Variants in CEP112 observed in about 807,000 individuals in gnomAD.
CEP112 encodes the protein centrosomal protein of 112 kDa.
In CEP112, 127 loss-of-function variants were observed where a neutral mutation model predicts 153.0. That is an observed-to-expected ratio of 0.83 (90% confidence interval 0.72 to 0.96). The LOEUF (loss-of-function observed/expected upper bound fraction) is 0.96. CEP112 is among the 40% of genes least tolerant of loss of function. The probability of loss-of-function intolerance (pLI) is 0.00; values close to 1 mark genes in which losing one functional copy is unlikely to be tolerated. For synonymous variants in CEP112, 358 were observed against 374.4 expected (o/e 0.96, Z 0.51); for missense variants, 1,089 against 1,101.2 (o/e 0.99, Z 0.16).
At chr17:65,975,493 T>C (rs569240520) in intron 17 of CEP112, among the ~76,000 whole-genome samples, 2 of 152,328 alleles carry the variant, frequency 1.3e-5, no homozygotes, top group African/African-American at 4.8e-5. Context: ...TGTGTCTATA[T>C]ATTCATTTGT....
chr17:65,891,126 A>C (rs148872714), intron 20 of CEP112, among the ~76,000 whole-genome samples: 2 of 152,268 alleles, frequency 1.3e-5, no homozygotes, highest in East Asian at 3.9e-4. Flanking sequence ...AATGCCACTA[A>C]ATGAATGAAT....
chr17:65,697,310 C>T (rs931578019), intron 23 of CEP112, among the ~76,000 whole-genome samples: 1 of 152,070 alleles, frequency 6.6e-6, no homozygotes. Flanking sequence ...TCATTTAAAC[C>T]TTAATTGCCT....
intron 24 of CEP112, among the ~76,000 whole-genome samples, chr17:65,659,015 C>CAAA (rs777326885): frequency 0.13 from 7,242 of 55,482 alleles, 1,449 homozygotes; most frequent in East Asian, 0.45. Context: ...GACTCTGTCT[C>CAAA]AAAAAAAAAA....
chr17:65,927,715 A>C (rs748036974), intron 18 of CEP112, 26 bp from the exon 19 acceptor site: 73 of 1,397,960 alleles, frequency 5.2e-5, no homozygotes, highest in Non-Finnish European at 6.6e-5. Context: ...ATCAAATATT[A>C]ATTTTTTAAA....
chr17:65,641,878 T>C lies in CEP112; in HGVS notation c.2698-813A>G, dbSNP rs147913162. ...TGTCTCCGACCCTCTTTGACACAAG[T>C]AGACAGGTAGAGTGCACTGGGCATA... On this transcript the variant is annotated intron_variant, in intron 24 of 26. Coordinates refer to ENST00000535342, the MANE Select transcript of CEP112 (RefSeq NM_001199165.4). Among the ~76,000 whole-genome samples, 254 of 152,282 alleles carry C rather than the reference T, an allele frequency of 1.7e-3. 2 individuals carry two copies. The highest frequency in any genetic ancestry group is 0.014 in the Admixed American group (215 of 15,292).
intron 9 of CEP112, among the ~76,000 whole-genome samples, chr17:66,068,293 G>A (rs964614619): frequency 2.0e-5 from 3 of 152,034 alleles, no homozygotes; most frequent in Non-Finnish European, 4.4e-5. Flanking sequence ...CAACAGAAAA[G>A]AACGGGGCAC....
intron 21 of CEP112, among the ~76,000 whole-genome samples, chr17:65,839,803 C>G (rs1433344232): frequency 2.6e-5 from 4 of 151,600 alleles, no homozygotes; most frequent in Non-Finnish European, 5.9e-5. Context: ...ATGTTAGAAC[C>G]AGTAAACAAA....
intron 21 of CEP112, among the ~76,000 whole-genome samples, chr17:65,776,304 G>A (rs982178320): frequency 1.3e-5 from 2 of 152,084 alleles, no homozygotes; most frequent in East Asian, 1.9e-4. Flanking sequence ...GTGCAATCTC[G>A]GCTTGCTGCA....
chr17:66,122,178 G>A (rs2069632122), intron 6 of CEP112, among the ~76,000 whole-genome samples: 1 of 152,072 alleles, frequency 6.6e-6, no homozygotes, highest in South Asian at 2.1e-4. Context: ...ATAGGCATGA[G>A]CCACTGCGCC....
In CEP112 at chr17:66,038,531, G is replaced by GA. The variant is rs1341632645; in HGVS notation, c.1219-8509dup. On this transcript the variant is annotated intron_variant, in intron 12 of 26. Transcript: ENST00000535342. ...TTAAACGGAATAAAAGAGCTGAGAG[G>GA]ATGCAAAATAGTGGAGTTCTTAAAA... is the stretch of plus-strand genomic sequence containing the variant. Among the ~76,000 whole-genome samples, 16 of 152,014 alleles carry GA rather than the reference G, an allele frequency of 1.1e-4. No homozygotes were observed. The East Asian group carries it at 2.9e-3, about 27-fold the overall frequency.
intron 21 of CEP112, among the ~76,000 whole-genome samples, chr17:65,848,536 G>A (rs2057807466): frequency 6.6e-6 from 1 of 151,744 alleles, no homozygotes; most frequent in South Asian, 2.1e-4. Context: ...CTTCACAGTT[G>A]CCCTCTCTCT....
At chr17:65,677,732 G>A (rs1252405455) in intron 24 of CEP112, among the ~76,000 whole-genome samples, 1 of 152,060 alleles carries the variant, frequency 6.6e-6, no homozygotes, top group African/African-American at 2.4e-5. Context: ...GGCCAACAGG[G>A]TGAAACCAGG....
At chr17:66,171,005 C>T (rs939895864) in intron 4 of CEP112, among the ~76,000 whole-genome samples, 3 of 152,064 alleles carry the variant, frequency 2.0e-5, no homozygotes, top group Admixed American at 1.3e-4. Context: ...ATAATGTATA[C>T]TTGGTGGAAA....
At chr17:65,894,911 T>C (rs1195263910) in intron 20 of CEP112, among the ~76,000 whole-genome samples, 1 of 152,102 alleles carries the variant, frequency 6.6e-6, no homozygotes, top group Non-Finnish European at 1.5e-5. Context: ...AAGAAAGACA[T>C]AGTCATGGCT....
intron 4 of CEP112, among the ~76,000 whole-genome samples, chr17:66,147,252 T>C (rs921611117): frequency 1.3e-5 from 2 of 152,184 alleles, no homozygotes; most frequent in African/African-American, 4.8e-5. Flanking sequence ...TAATGGTTAG[T>C]GATGTTGAGC....
Position 65,867,981 on chromosome 17 carries a change from T to C in CEP112, c.2164-15947A>G, listed in dbSNP as rs115403986. Among the ~76,000 whole-genome samples, 839 of 151,952 alleles carry C rather than the reference T, an allele frequency of 5.5e-3. 6 individuals are homozygous for C. Among genetic ancestry groups the C allele is most frequent in the African/African-American group, 0.019 (809 of 41,532 alleles). ...GACTAGGTTTGAGAATACATATTTC[T>C]GTTATTTATAACATAAAATCGAAGT... On this transcript the variant is annotated intron_variant, in intron 20 of 26. Transcript: ENST00000535342.
rs181989856 is a variant in CEP112, at chr17:66,052,219, A to G, written c.1218+1517T>C. Among the ~76,000 whole-genome samples, 321 of 152,314 alleles carry G rather than the reference A, an allele frequency of 2.1e-3. 1 individual carries two copies. The highest frequency in any genetic ancestry group is 7.3e-3 in the African/African-American group (305 of 41,572). On this transcript the variant is annotated intron_variant, in intron 12 of 26. Coordinates refer to ENST00000535342, the MANE Select transcript of CEP112 (RefSeq NM_001199165.4). ...TACCCATGCAACCATTTTTGGAAAT[A>G]AGCCCATAGTAAATTGAGGAGCATC...
chr17:65,901,649 C>T (rs991008603), intron 20 of CEP112, among the ~76,000 whole-genome samples: 5 of 151,954 alleles, frequency 3.3e-5, no homozygotes, highest in African/African-American at 1.2e-4. Context: ...GGGAAATAGC[C>T]CTTCTCTGGA....
chr17:66,186,260 T>A (rs1164164840), intron 1 of CEP112, among the ~76,000 whole-genome samples: 1 of 152,148 alleles, frequency 6.6e-6, no homozygotes, highest in African/African-American at 2.4e-5. Context: ...AAGAAACCCG[T>A]CTGAAACTAG....
Sources: allele counts gnomAD v4.1 joint callset (sites outside exome capture counted in the v4.1 genomes callset), GRCh38; gene constraint gnomAD v4.1.1; transcripts MANE v1.5; gene names NCBI Gene and HGNC (gene_info 2026-07-23, HGNC 2026-07-21).